Variants in EFCAB13 observed in about 807,000 individuals in gnomAD.
EFCAB13 encodes the protein EF-hand calcium binding domain 13, also known as EF-hand calcium-binding domain-containing protein 13.
EFCAB13 carries 91 observed loss-of-function variants against 110.2 expected under a neutral mutation model. That is an observed-to-expected ratio of 0.83 (90% confidence interval 0.70 to 0.98). The LOEUF is 0.98. EFCAB13 is among the 50% of genes least tolerant of loss of function. The pLI is 0.00. For synonymous variants in EFCAB13, 323 were observed against 369.9 expected (o/e 0.87, Z 1.45); for missense variants, 968 against 1,119.4 (o/e 0.86, Z 1.93).
rs141016702 is a variant in EFCAB13, at chr17:47,337,001, A to G, written c.191+1645A>G. On this transcript the variant is annotated intron_variant, in intron 5 of 24. Transcript: ENST00000331493. Reference sequence around the variant, plus strand: ...AATTACCTACACATTGTGATTGGAGAGGCACCTAAATAAAAATCTCCTCTA... The same window carrying G: ...AATTACCTACACATTGTGATTGGAGGGGCACCTAAATAAAAATCTCCTCTA... 2.7e-3 allele frequency among the ~76,000 whole-genome samples: 407 copies of G among 152,318 alleles called. 2 individuals are homozygous for G. The highest frequency in any genetic ancestry group is 5.1e-3 in the Admixed American group (78 of 15,308).
At chr17:47,406,002 T>G (rs1364260047) in intron 20 of EFCAB13, among the ~76,000 whole-genome samples, 1 of 152,168 alleles carries the variant, frequency 6.6e-6, no homozygotes, top group Non-Finnish European at 1.5e-5. Flanking sequence ...CTTTGACTTG[T>G]TAGGCTATTA....
At chr17:47,423,267 T>G (rs886756676) in intron 23 of EFCAB13, 11 of 152,184 alleles carry the variant, frequency 7.2e-5, no homozygotes, top group African/African-American at 2.7e-4. Flanking sequence ...ATGTTCTCAT[T>G]GGAGAAAATA....
chr17:47,424,874 CTTTT>C (rs548271723), intron 23 of EFCAB13, among the ~76,000 whole-genome samples: 23 of 36,892 alleles, frequency 6.2e-4, no homozygotes, highest in African/African-American at 1.7e-3. Context: ...GGTTGACAAT[CTTTT>C]TTTTTTTTTT....
intron 24 of EFCAB13, among the ~76,000 whole-genome samples, chr17:47,437,030 A>C (rs1229218906): frequency 6.6e-6 from 1 of 152,194 alleles, no homozygotes; most frequent in Non-Finnish European, 1.5e-5. Flanking sequence ...ATGCTCATTC[A>C]GGAGCAGGTT....
At chr17:47,382,739 A>T (rs962088086) in intron 14 of EFCAB13, among the ~76,000 whole-genome samples, 5 of 151,918 alleles carry the variant, frequency 3.3e-5, no homozygotes, top group African/African-American at 1.2e-4. Flanking sequence ...TTGGCCCCAA[A>T]TTTTCTTTTT....
chr17:47,432,399 AAAATAAATAAATAAATAAATAAAT>A (rs60375757), intron 24 of EFCAB13, among the ~76,000 whole-genome samples: 2 of 138,460 alleles, frequency 1.4e-5, no homozygotes, highest in Non-Finnish European at 3.1e-5. Flanking sequence ...ATCCATCTCA[AAAATAAATAAATAAATAAATAAAT>A]AAATAAATAA....
chr17:47,428,524 GT>G (rs1905034791), intron 23 of EFCAB13, among the ~76,000 whole-genome samples: 1 of 151,942 alleles, frequency 6.6e-6, no homozygotes, highest in Non-Finnish European at 1.5e-5. Context: ...TTAAGACAGT[GT>G]GGTATTGACA....
At position 47,391,465 on chromosome 17, in the gene EFCAB13, T is replaced by G; in HGVS notation, c.1611T>G (p.Asp537Glu). The change falls in exon 15 of 25, where the codon GAT (aspartate) becomes GAG (glutamate). Residue 537 changes from aspartate (D) to glutamate (E), a missense_variant. Physicochemically the swap from Asp to Glu is conservative, Grantham distance 45. Coordinates refer to ENST00000331493, the MANE Select transcript of EFCAB13 (RefSeq NM_152347.5). Reference sequence around the variant, plus strand: ...TGCCTGGTGTCATTAAAGCCATTGATAAAATTAAAGATAAAAATGTGGATT... The same window carrying G: ...TGCCTGGTGTCATTAAAGCCATTGAGAAAATTAAAGATAAAAATGTGGATT... ...NALPGVIKAI[D>E]KIKDKNVDYE... 1.3e-6 allele frequency: 2 copies of G among 1,579,080 alleles called. No homozygotes were observed. The highest frequency in any genetic ancestry group is 1.7e-6 in the Non-Finnish European group (2 of 1,166,714).
chr17:47,338,398 C>T (rs2065363900), intron 5 of EFCAB13, among the ~76,000 whole-genome samples: 1 of 151,874 alleles, frequency 6.6e-6, no homozygotes, highest in African/African-American at 2.4e-5. Flanking sequence ...TGCAGGTGTG[C>T]ACCACCACGC....
intron 23 of EFCAB13, among the ~76,000 whole-genome samples, chr17:47,422,382 A>G (rs1409248946): frequency 6.6e-6 from 1 of 152,212 alleles, no homozygotes; most frequent in Non-Finnish European, 1.5e-5. Context: ...TGGAAGTCCT[A>G]GCCAGTATCA....
intron 17 of EFCAB13, among the ~76,000 whole-genome samples, chr17:47,397,092 G>A (rs1046888703): frequency 7.9e-6 from 1 of 127,020 alleles, no homozygotes; most frequent in East Asian, 2.7e-4. Context: ...CTGCCATCTC[G>A]GCTCACTGCA....
Position 47,429,952 on chromosome 17 carries a change from C to A in EFCAB13, c.2629C>A (p.Pro877Thr). ...ACTTACTGTAATGTTAAGACATGTACCTGAACATGGTTAGTAGTTTCAATG... is the reference window on the plus strand; with the variant it reads ...ACTTACTGTAATGTTAAGACATGTAACTGAACATGGTTAGTAGTTTCAATG... Reference protein sequence around the residue: ...AILTVMLRHVPEHESGKVSIQ... With the variant: ...AILTVMLRHVTEHESGKVSIQ... Residue 877 changes from proline (P) to threonine (T), a missense_variant, in exon 24 of 25, where the codon CCT (proline) becomes ACT (threonine). Coordinates refer to ENST00000331493, the MANE Select transcript of EFCAB13 (RefSeq NM_152347.5). The A allele has an allele frequency of 1.9e-6, 3 of 1,602,236 alleles. No individual in the cohort carries two copies. The highest frequency in any genetic ancestry group is 2.6e-6 in the Non-Finnish European group (3 of 1,172,872).
chr17:47,344,170 T>A lies in EFCAB13; in HGVS notation c.312T>A (p.Pro104=). The A allele has an allele frequency of 1.9e-6, 3 of 1,612,708 alleles. No homozygotes were observed. Among genetic ancestry groups the A allele is most frequent in the South Asian group, 1.1e-5 (1 of 90,978 alleles). The change falls in exon 7 of 25, where the codon CCT becomes CCA. Residue 104 remains proline (P), a synonymous_variant. Coordinates refer to ENST00000331493, the MANE Select transcript of EFCAB13 (RefSeq NM_152347.5). ...CTTGCATTTGGCTCTAGATTATCCC[T>A]CCTTTTCTGAAGCTGTCAAAGGAGA... ...QQHSKRTEII[P]PFLKLSKEKV...
Position 47,421,005 on chromosome 17 carries a change from C to T in EFCAB13, c.2494+6086C>T, listed in dbSNP as rs568781692. 4.5e-5 allele frequency among the ~76,000 whole-genome samples: 6 copies of T among 133,296 alleles called. No homozygotes were observed. The South Asian group carries it at 6.9e-4, about 15-fold the overall frequency. The allele number at this position is 133,296 out of a possible 152,430, so 87.4% of individuals were successfully genotyped here. A position where few individuals can be genotyped will look rare whatever the true frequency, so the allele number is the denominator to read the frequency against. ...GAGGGAGGTGAGGGGGTCAGCCCCC[C>T]GTCCGGGAGGGAGGTGGGGGGGTCA... On this transcript the variant is annotated intron_variant, in intron 23 of 24. Transcript: ENST00000331493.
At chr17:47,365,560 G>A (rs1262294013) in intron 10 of EFCAB13, among the ~76,000 whole-genome samples, 2 of 152,184 alleles carry the variant, frequency 1.3e-5, no homozygotes, top group Admixed American at 1.3e-4. Context: ...TAGAACCTAA[G>A]AGTGAGTGAG....
intron 17 of EFCAB13, among the ~76,000 whole-genome samples, chr17:47,400,813 T>A (rs2065774867): frequency 6.6e-6 from 1 of 152,244 alleles, no homozygotes; most frequent in African/African-American, 2.4e-5. Flanking sequence ...CAGTACCCGT[T>A]GCCTACTTTA....
intron 24 of EFCAB13, among the ~76,000 whole-genome samples, chr17:47,437,786 G>A (rs1905240152): frequency 6.6e-6 from 1 of 151,970 alleles, no homozygotes; most frequent in African/African-American, 2.4e-5. Context: ...TGTGAGGTAT[G>A]GTTACATTCA....
Position 47,414,861 on chromosome 17 carries a change from G to A in EFCAB13, c.2436G>A (p.Val812=). 1 of 1,603,860 alleles carries A rather than the reference G, an allele frequency of 6.2e-7. No homozygotes were observed. Among genetic ancestry groups the A allele is most frequent in the Middle Eastern group, 1.7e-4 (1 of 6,038 alleles). The change falls in exon 23 of 25, where the codon GTG becomes GTA. Residue 812 remains valine, a synonymous_variant. Coordinates refer to ENST00000331493, the MANE Select transcript of EFCAB13 (RefSeq NM_152347.5). ...NCCNVSDNME[V]DLKDFLMKMK... The stretch of plus-strand genomic sequence containing the variant: ...TTGACCTTCCAGATAATATGGAGGT[G>A]GATTTAAAAGATTTCTTAATGAAAA...
chr17:47,430,299 A>T, intron 24 of EFCAB13: 1 of 867,504 alleles, frequency 1.2e-6, no homozygotes, highest in Non-Finnish European at 1.4e-6. Context: ...TTTGGAAGGT[A>T]AATTATGATG....
Sources: gnomAD v4.1 joint callset for allele counts (sites outside exome capture counted in the v4.1 genomes callset) on GRCh38, gnomAD v4.1.1 for gene constraint, MANE v1.5 for transcripts, NCBI Gene and HGNC (gene_info 2026-07-23, HGNC 2026-07-21) for gene names.